SRFBP1: variants seen among roughly 807,000 people sequenced by gnomAD.
The protein encoded by SRFBP1 is serum response factor binding protein 1.
In SRFBP1, 47 loss-of-function variants were observed where a neutral mutation model predicts 45.5. The observed-to-expected ratio is 1.03, with a 90% CI of 0.82 to 1.32. The LOEUF is 1.32. Among genes scored for constraint, SRFBP1 ranks in the 40% most tolerant of loss-of-function variants. The probability of loss-of-function intolerance (pLI) is 0.00; values close to 1 mark genes in which losing one functional copy is unlikely to be tolerated. For synonymous variants in SRFBP1, 203 were observed against 166.3 expected, an observed-to-expected ratio of 1.22 and a Z score of -1.70; for missense variants, 621 against 484.6, an observed-to-expected ratio of 1.28 and a Z score of -2.64.
intron 4 of SRFBP1, among the ~76,000 whole-genome samples, chr5:121,997,781 A>G (rs1346903094): frequency 7.2e-5 from 11 of 151,900 alleles, no homozygotes; most frequent in Non-Finnish European, 1.3e-4. Context: ...CAAAGGGCTA[A>G]TATCCAGAAT....
chr5:122,047,103 A>G (rs1470821915), intron 2 of SRFBP1, among the ~76,000 whole-genome samples: 1 of 152,152 alleles, frequency 6.6e-6, no homozygotes, highest in Non-Finnish European at 1.5e-5. Context: ...TTGATGTTTT[A>G]GACATGAAGT....
chr5:122,059,316 C>G (rs1754134583), intron 2 of SRFBP1, among the ~76,000 whole-genome samples: 1 of 152,068 alleles, frequency 6.6e-6, no homozygotes, highest in Non-Finnish European at 1.5e-5. Context: ...TCTGTTATTT[C>G]CCAGAGAGCA....
At chr5:122,062,625 C>T (rs924347816) in intron 2 of SRFBP1, among the ~76,000 whole-genome samples, 4 of 152,002 alleles carry the variant, frequency 2.6e-5, no homozygotes, top group Non-Finnish European at 4.4e-5. Context: ...TATTCTACAA[C>T]TCAAATCTGC....
At chr5:122,078,106 T>G (rs2152591870), downstream of SRFBP1, 1 of 920,248 alleles carries the variant, frequency 1.1e-6, no homozygotes, top group Non-Finnish European at 1.5e-6. Context: ...GGAGCACGGG[T>G]ATCTCAGTCT....
intron 4 of SRFBP1, among the ~76,000 whole-genome samples, chr5:122,011,350 T>C (rs1004437723): frequency 6.6e-6 from 1 of 152,110 alleles, no homozygotes; most frequent in African/African-American, 2.4e-5. Flanking sequence ...TGGAGGTACA[T>C]GAAAACCACA....
intron 2 of SRFBP1, chr5:122,069,864 C>G: frequency 1.6e-6 from 1 of 612,612 alleles, no homozygotes; most frequent in East Asian, 3.3e-5. Flanking sequence ...AACTAAAAAC[C>G]TTAGTACATT....
chr5:121,984,032 A>T (rs999566468), intron 3 of SRFBP1, among the ~76,000 whole-genome samples: 7 of 151,774 alleles, frequency 4.6e-5, no homozygotes, highest in Non-Finnish European at 8.9e-5. Context: ...TATTCCCTAT[A>T]CATTGCTCAT....
At chr5:122,025,476 C>A (rs2112714396) in intron 7 of SRFBP1, among the ~76,000 whole-genome samples, 1 of 152,202 alleles carries the variant, frequency 6.6e-6, no homozygotes, top group Admixed American at 6.5e-5. Flanking sequence ...GGTATATACC[C>A]AATAATAGGA....
At chr5:122,074,228 A>T in intron 2 of SRFBP1, 1 of 1,433,708 alleles carries the variant, frequency 7.0e-7, no homozygotes, top group Non-Finnish European at 9.6e-7. Flanking sequence ...AGCAATGAAG[A>T]TATTAAATGA....
chr5:121,975,349 C>T lies in SRFBP1; in HGVS notation c.160C>T (p.Arg54Trp), dbSNP rs756126292. The T allele has an allele frequency of 9.9e-6, 16 of 1,613,244 alleles. No homozygotes were observed. Among genetic ancestry groups the T allele is most frequent in the East Asian group, 2.2e-5 (1 of 44,840 alleles). Reference protein sequence around the residue: ...TEDALLKNQRRAQRLLEEIHA... With the variant: ...TEDALLKNQRWAQRLLEEIHA... The stretch of plus-strand genomic sequence containing the variant: ...AGATGCACTGTTAAAAAACCAAAGA[C>T]GGGCGCAAAGATTGCTTGAAGAAAT... The change falls in exon 3 of 8, where the codon CGG (arginine) becomes TGG (tryptophan). Residue 54 changes from arginine to tryptophan, a missense_variant. Transcript: ENST00000339397.
At chr5:122,029,286 G>A (rs141185187), downstream of SRFBP1, among the ~76,000 whole-genome samples, 5 of 152,154 alleles carry the variant, frequency 3.3e-5, no homozygotes, top group Admixed American at 6.5e-5. Flanking sequence ...ACTCCACTAC[G>A]AGGCATTACC....
At position 122,027,612 on chromosome 5, in the gene SRFBP1, T is replaced by G. The variant is rs1038564057; in HGVS notation, c.*486T>G. Reference sequence around the variant, plus strand: ...TTCAGCTCTGTTGTTTCCTTAAACATAAATGTCAATATATATTTAAAATAA... The same window carrying G: ...TTCAGCTCTGTTGTTTCCTTAAACAGAAATGTCAATATATATTTAAAATAA... On this transcript the variant is annotated 3_prime_UTR_variant, in exon 8 of 8. Transcript: ENST00000339397. 3.3e-5 allele frequency: 5 copies of G among 152,118 alleles called. No homozygotes were observed. The highest frequency in any genetic ancestry group is 1.2e-4 in the African/African-American group (5 of 41,432). 9.4% of individuals were successfully genotyped at this position (152,118 alleles called of 1,614,324 possible). A position where few individuals can be genotyped will look rare whatever the true frequency, so the allele number is the denominator to read the frequency against.
At chr5:122,065,520 C>T (rs1754275054) in intron 2 of SRFBP1, 1 of 152,028 alleles carries the variant, frequency 6.6e-6, no homozygotes, top group Admixed American at 6.6e-5. Context: ...CAGCACAGTC[C>T]TTGGTTTTGC....
intron 2 of SRFBP1, among the ~76,000 whole-genome samples, chr5:122,048,809 C>G (rs980456461): frequency 1.3e-5 from 2 of 152,128 alleles, no homozygotes; most frequent in African/African-American, 4.8e-5. Flanking sequence ...TCCATTTCTT[C>G]TAGATTTTCT....
intron 4 of SRFBP1, among the ~76,000 whole-genome samples, chr5:121,998,608 A>G (rs369929770): frequency 6.6e-6 from 1 of 150,638 alleles, no homozygotes; most frequent in East Asian, 2.0e-4. Context: ...TGGCACGTGT[A>G]TACATATGTA....
At chr5:122,050,981 T>C (rs1561409256) in intron 2 of SRFBP1, among the ~76,000 whole-genome samples, 1 of 152,194 alleles carries the variant, frequency 6.6e-6, no homozygotes, top group Non-Finnish European at 1.5e-5. Flanking sequence ...TAAGAATTTC[T>C]TGGTTGCTGC....
downstream of SRFBP1, chr5:122,075,626 TA>T: frequency 1.1e-6 from 1 of 872,444 alleles, no homozygotes; most frequent in Non-Finnish European, 1.7e-6. Flanking sequence ...CATTATATAG[TA>T]GTGACAATCC....
downstream of SRFBP1, among the ~76,000 whole-genome samples, chr5:122,028,922 C>T (rs1371580196): frequency 1.3e-5 from 2 of 152,108 alleles, no homozygotes; most frequent in Non-Finnish European, 2.9e-5. Flanking sequence ...TAGCTGTTAG[C>T]TATTAGATTT....
intron 7 of SRFBP1, among the ~76,000 whole-genome samples, chr5:122,024,028 G>T (rs1753417198): frequency 6.6e-6 from 1 of 152,206 alleles, no homozygotes; most frequent in African/African-American, 2.4e-5. Context: ...CTGAGTTGCT[G>T]TGGGCAACTT....
Sources: allele counts gnomAD v4.1 joint callset (sites outside exome capture counted in the v4.1 genomes callset), GRCh38; gene constraint gnomAD v4.1.1; transcripts MANE v1.5; gene names NCBI Gene and HGNC (gene_info 2026-07-23, HGNC 2026-07-21).